CST7: variants seen among roughly 807,000 people sequenced by gnomAD.
The protein encoded by CST7 is cystatin-F.
CST7 carries 15 observed loss-of-function variants against 13.1 expected under a neutral mutation model. That is an observed-to-expected ratio of 1.14 (90% CI 0.77 to 1.76). The LOEUF is 1.76. Among genes scored for constraint, CST7 ranks in the 40% most tolerant of loss-of-function variants. The pLI is 0.00. For synonymous variants in CST7, 75 were observed against 66.9 expected (o/e 1.12, Z -0.59); for missense variants, 193 against 178.8 (o/e 1.08, Z -0.45).
At chr20:24,953,020 G>A (rs995634617) in intron 1 of CST7, among the ~76,000 whole-genome samples, 11 of 152,370 alleles carry the variant, frequency 7.2e-5, no homozygotes, top group Non-Finnish European at 1.0e-4. Flanking sequence ...ATGCTCTGAG[G>A]ACAGGAACGT....
chr20:24,958,821 TCTC>T, intron 2 of CST7, 104 bp from the exon 3 acceptor site: 1 of 805,302 alleles, frequency 1.2e-6, no homozygotes, highest in Non-Finnish European at 2.1e-6. Flanking sequence ...CCACTTCCCT[TCTC>T]CTCGGTGGGC....
intron 1 of CST7, among the ~76,000 whole-genome samples, chr20:24,952,023 G>A (rs968876948): frequency 1.3e-5 from 2 of 152,158 alleles, no homozygotes; most frequent in African/African-American, 2.4e-5. Flanking sequence ...CTTGCAGCCC[G>A]GGGACCTCCT....
At chr20:24,950,879 G>C (rs2087815015) in intron 1 of CST7, among the ~76,000 whole-genome samples, 1 of 152,182 alleles carries the variant, frequency 6.6e-6, no homozygotes, top group African/African-American at 2.4e-5. Context: ...GTTCACTCCA[G>C]AGAAGTGGCT....
chr20:24,951,511 C>G, intron 1 of CST7, among the ~76,000 whole-genome samples: 1 of 152,170 alleles, frequency 6.6e-6, no homozygotes, highest in East Asian at 1.9e-4. Context: ...CCCAGTCTAG[C>G]AGCAAAAAAG....
rs111631119 is a variant in CST7 at position 24,949,384 on chromosome 20, C to T, written c.-122C>T. 1.1e-3 allele frequency: 1,778 copies of T among 1,587,654 alleles called. 23 individuals are homozygous for T. In the African/African-American group the frequency reaches 0.021, roughly 19 times the overall value. On this transcript the variant is annotated 5_prime_UTR_variant, in exon 1 of 4. Coordinates refer to ENST00000480798, the MANE Select transcript of CST7 (RefSeq NM_003650.4). ...CAGACCACTGCCCCCACCTGCCCTGCGCCATCTACCCAAGAAGGCTCGGCA... is the reference window on the plus strand; with the variant it reads ...CAGACCACTGCCCCCACCTGCCCTGTGCCATCTACCCAAGAAGGCTCGGCA...
intron 1 of CST7, among the ~76,000 whole-genome samples, chr20:24,949,782 G>A (rs2087808734): frequency 6.6e-6 from 1 of 152,210 alleles, no homozygotes; most frequent in African/African-American, 2.4e-5. Flanking sequence ...GGGATGAAGG[G>A]TTTGGGGGCT....
In CST7 at chr20:24,957,325, G is replaced by C. The variant is rs760566077; in HGVS notation, c.109G>C (p.Gly37Arg). The C allele has an allele frequency of 3.7e-6, 6 of 1,613,514 alleles. No individual in the cohort carries two copies. The South Asian group carries it at 4.4e-5, about 12-fold the overall frequency. The change falls in exon 2 of 4, where the codon GGA (glycine) becomes CGA (arginine). Residue 37 changes from glycine (G) to arginine (R), a missense_variant. Gly to Arg is a moderately radical substitution (Grantham distance 125). Transcript: ENST00000480798. Reference sequence around the variant, plus strand: ...GGACCTTAACTCACGTGTGAAGCCAGGATTTCCTAAAACAATAAAGACCAA... The same window carrying C: ...GGACCTTAACTCACGTGTGAAGCCACGATTTCCTAAAACAATAAAGACCAA... ...SQDLNSRVKP[G>R]FPKTIKTNDP...
intron 3 of CST7, among the ~76,000 whole-genome samples, chr20:24,959,404 A>G (rs941334384): frequency 6.6e-6 from 1 of 152,174 alleles, no homozygotes; most frequent in Non-Finnish European, 1.5e-5. Flanking sequence ...CATATATAGC[A>G]TATCTCTGCA....
chr20:24,954,456 T>C (rs6050199), intron 1 of CST7, among the ~76,000 whole-genome samples: 114,674 of 152,218 alleles, frequency 0.75, 43,533 homozygotes, highest in East Asian at 0.99. Flanking sequence ...CCTGCTGGAC[T>C]GCTTGTTTTC....
At chr20:24,957,172 G>A in intron 1 of CST7, 115 bp from the exon 2 acceptor site, 1 of 977,318 alleles carries the variant, frequency 1.0e-6, no homozygotes. Flanking sequence ...GGGTGGGTAG[G>A]GCCAGGACAC....
Position 24,958,979 on chromosome 20 carries a change from T to C in CST7, c.295T>C (p.Cys99Arg). 6.2e-7 allele frequency: 1 copy of C among 1,613,980 alleles called. No individual in the cohort carries two copies. Among genetic ancestry groups the C allele is most frequent in the Non-Finnish European group, 8.5e-7 (1 of 1,179,912 alleles). ...MLEVEIGRTT[C>R]KKNQHLRLDD... ...GGAGGTGGAAATTGGCAGAACTACC[T>C]GCAAGAAAAACCAGCACCTGCGTCT... Residue 99 changes from cysteine (C) to arginine (R), a missense_variant, in exon 3 of 4, where the codon TGC (cysteine) becomes CGC (arginine). Coordinates refer to ENST00000480798, the MANE Select transcript of CST7 (RefSeq NM_003650.4).
chr20:24,957,779 G>A (rs2087869173), intron 2 of CST7, among the ~76,000 whole-genome samples: 1 of 152,182 alleles, frequency 6.6e-6, no homozygotes, highest in Non-Finnish European at 1.5e-5. Context: ...AAGGCTGATG[G>A]GGGAGAAAGC....
chr20:24,959,341 C>T (rs946380629), intron 3 of CST7, among the ~76,000 whole-genome samples: 5 of 151,162 alleles, frequency 3.3e-5, no homozygotes, highest in African/African-American at 1.2e-4. Flanking sequence ...TCAAACAATC[C>T]AGAAATTATA....
At position 24,951,682 on chromosome 20, in the gene CST7, G is replaced by A. The variant is rs115345913; in HGVS notation, c.70+2107G>A. On this transcript the variant is annotated intron_variant, in intron 1 of 3. Transcript: ENST00000480798. ...CAACAGGGACCCCAAGGGTGGTGCC[G>A]TCTGAGCATCTGGCCTCTCTCCACA... 6.8e-3 allele frequency among the ~76,000 whole-genome samples: 1,033 copies of A among 152,248 alleles called. 11 individuals are homozygous for A. The highest frequency in any genetic ancestry group is 0.024 in the African/African-American group (985 of 41,520).
intron 2 of CST7, 70 bp downstream of exon 2, chr20:24,957,529 T>C: frequency 3.4e-6 from 5 of 1,453,800 alleles, no homozygotes; most frequent in Non-Finnish European, 4.8e-6. Flanking sequence ...ACGCGACACC[T>C]AGGAGAGCAG....
chr20:24,953,573 T>G (rs1011715081), intron 1 of CST7, among the ~76,000 whole-genome samples: 3 of 152,190 alleles, frequency 2.0e-5, no homozygotes, highest in African/African-American at 7.2e-5. Context: ...CCATGTGTCC[T>G]GGGGCCTGCT....
intron 1 of CST7, among the ~76,000 whole-genome samples, chr20:24,954,960 A>C (rs903921125): frequency 1.3e-5 from 2 of 152,156 alleles, no homozygotes; most frequent in Non-Finnish European, 2.9e-5. Flanking sequence ...GTTTATAGTC[A>C]GAAAAAGCCA....
intron 1 of CST7, among the ~76,000 whole-genome samples, chr20:24,952,204 T>C (rs1321402353): frequency 6.6e-6 from 1 of 152,254 alleles, no homozygotes; most frequent in African/African-American, 2.4e-5. Flanking sequence ...GACAAGTGCT[T>C]CGTGTATGTT....
Position 24,949,565 on chromosome 20 carries a change from C to T in CST7, c.60C>T (p.Gly20=), listed in dbSNP as rs1200966040. The part of the protein sequence containing the change: ...FCCLVLSTTG[G]PSPDTCSQDL... ...GCCTGGTCTTGAGCACCACTGGGGG[C>T]CCTTCCCCAGGTAAGTGGCGTTCTC... The change falls in exon 1 of 4, where the codon GGC becomes GGT. Residue 20 remains glycine, a synonymous_variant. Coordinates refer to ENST00000480798, the MANE Select transcript of CST7 (RefSeq NM_003650.4). 2 of 1,614,068 alleles carry T rather than the reference C, an allele frequency of 1.2e-6. No individual in the cohort carries two copies. Among genetic ancestry groups the T allele is most frequent in the South Asian group, 2.2e-5 (2 of 91,086 alleles).
Sources: allele counts gnomAD v4.1 joint callset (sites outside exome capture counted in the v4.1 genomes callset), GRCh38; gene constraint gnomAD v4.1.1; transcripts MANE v1.5; gene names NCBI Gene and HGNC (gene_info 2026-07-23, HGNC 2026-07-21).